MTMR12: variants seen among roughly 807,000 people sequenced by gnomAD.
MTMR12 encodes myotubularin related protein 12, also known as myotubularin-related protein 12.
Under a neutral mutation model 96.7 loss-of-function variants are expected in MTMR12, and 33 were observed. That is an observed-to-expected ratio of 0.34 (90% CI 0.26 to 0.46). The LOEUF (loss-of-function observed/expected upper bound fraction) is 0.46, where lower values mean the gene tolerates loss of function less well. Among genes scored for constraint, MTMR12 ranks in the 20% least tolerant of loss-of-function variants. MTMR12 has a pLI of 1.00. For missense variants in MTMR12, 721 were observed against 896.1 expected (o/e 0.80, Z 2.49); for synonymous variants, 298 against 327.2 (o/e 0.91, Z 0.96).
chr5:32,236,532 G>A (rs905908797), intron 13 of MTMR12, among the ~76,000 whole-genome samples: 1 of 150,292 alleles, frequency 6.7e-6, no homozygotes, highest in Non-Finnish European at 1.5e-5. Context: ...GGGCAACAGA[G>A]AGAGACCATG....
At chr5:32,261,933 G>A (rs897671044) in intron 7 of MTMR12, among the ~76,000 whole-genome samples, 2 of 152,168 alleles carry the variant, frequency 1.3e-5, no homozygotes, top group Non-Finnish European at 2.9e-5. Context: ...TTAGCCAGGC[G>A]TGGCGGCAGG....
At chr5:32,309,547 G>A (rs144530245) in intron 1 of MTMR12, 1 of 152,078 alleles carries the variant, frequency 6.6e-6, no homozygotes, top group Non-Finnish European at 1.5e-5. Flanking sequence ...TAAAAATGGA[G>A]ACAAGATCTG....
At chr5:32,242,030 T>G in intron 12 of MTMR12, 27 bp downstream of exon 12, 1 of 1,574,020 alleles carries the variant, frequency 6.4e-7, no homozygotes, top group South Asian at 1.1e-5. Context: ...AAAATGGAAA[T>G]CATCCTTTGT....
chr5:32,312,751 C>T lies in MTMR12; in HGVS notation c.81+7G>A. On this transcript the variant is annotated splice_region_variant and intron_variant, in intron 1 of 15. Transcript: ENST00000382142. The surrounding 1 kb of genome is among the most constrained non-coding windows in gnomAD (Gnocchi z 5.0). ...CCCGACGCCCCGCCTGCGCGGCGCC[C>T]CCTCACCTCAGGGCGTACGTACGAC... 2 of 1,510,778 alleles carry T rather than the reference C, an allele frequency of 1.3e-6. No individual in the cohort carries two copies. Among genetic ancestry groups the T allele is most frequent in the Non-Finnish European group, 1.8e-6 (2 of 1,131,330 alleles). 93.6% of individuals were successfully genotyped at this position (1,510,778 alleles called of 1,614,324 possible).
intron 1 of MTMR12, among the ~76,000 whole-genome samples, chr5:32,310,376 C>A (rs1227396865): frequency 6.6e-6 from 1 of 152,154 alleles, no homozygotes; most frequent in Non-Finnish European, 1.5e-5. Context: ...CACTATTCAC[C>A]ACAGCCAAGA....
In MTMR12 at chr5:32,298,686, C is replaced by T. The variant is rs1031043501; in HGVS notation, c.81+14072G>A. ...TGCTGAGGCCAGGCGCAGTGGCTCA[C>T]GCCTGTAATCCCAGCACTTTGGGAG... On this transcript the variant is annotated intron_variant, in intron 1 of 15. Transcript: ENST00000382142. Among the ~76,000 whole-genome samples, 55 of 152,084 alleles carry T rather than the reference C, an allele frequency of 3.6e-4. 1 individual carries two copies. Among genetic ancestry groups the T allele is most frequent in the Admixed American group, 2.6e-3 (40 of 15,260 alleles).
chr5:32,252,955 A>C (rs1317605321), intron 8 of MTMR12, among the ~76,000 whole-genome samples: 1 of 152,250 alleles, frequency 6.6e-6, no homozygotes, highest in Non-Finnish European at 1.5e-5. Flanking sequence ...CACTCACATC[A>C]ACTAGTTGTC....
At chr5:32,252,954 C>A (rs1419750640) in intron 8 of MTMR12, among the ~76,000 whole-genome samples, 1 of 152,192 alleles carries the variant, frequency 6.6e-6, no homozygotes, top group Non-Finnish European at 1.5e-5. Context: ...ACACTCACAT[C>A]AACTAGTTGT....
intron 11 of MTMR12, among the ~76,000 whole-genome samples, chr5:32,242,575 C>A (rs1314550585): frequency 1.3e-5 from 2 of 151,908 alleles, no homozygotes; most frequent in East Asian, 3.9e-4. Flanking sequence ...ACACGTTATT[C>A]CCTTTGCGAC....
At chr5:32,250,985 G>A (rs1422218485) in intron 8 of MTMR12, among the ~76,000 whole-genome samples, 1 of 151,140 alleles carries the variant, frequency 6.6e-6, no homozygotes, top group Non-Finnish European at 1.5e-5. Context: ...AAGAATCACA[G>A]TTTGTTAATC....
At chr5:32,256,421 G>C (rs1749133454) in intron 7 of MTMR12, among the ~76,000 whole-genome samples, 2 of 152,218 alleles carry the variant, frequency 1.3e-5, no homozygotes, top group African/African-American at 2.4e-5. Context: ...TACACAACTA[G>C]TTAGCACACA....
chr5:32,288,224 T>C (rs898754540), intron 1 of MTMR12, among the ~76,000 whole-genome samples: 4 of 152,160 alleles, frequency 2.6e-5, no homozygotes, highest in African/African-American at 9.7e-5. Context: ...CTGATGAAGC[T>C]GGGGACACTG....
intron 13 of MTMR12, among the ~76,000 whole-genome samples, chr5:32,236,454 G>A (rs1342734175): frequency 6.6e-6 from 1 of 152,152 alleles, no homozygotes; most frequent in African/African-American, 2.4e-5. Flanking sequence ...GGCTGAGGCA[G>A]GAGGATTGCT....
rs1428138870 is a variant in MTMR12 at position 32,233,701 on chromosome 5, G to A, written c.1674+72C>T. ...TAGAAAATGCTGGCAGACAGAATCCGTAAGTACCTTTTATCATTACATGCA... is the reference window on the plus strand; with the variant it reads ...TAGAAAATGCTGGCAGACAGAATCCATAAGTACCTTTTATCATTACATGCA... On this transcript the variant is annotated intron_variant, in intron 15 of 15. Coordinates refer to ENST00000382142, the MANE Select transcript of MTMR12 (RefSeq NM_001040446.3). This position sits in a 1 kb window ranked among gnomAD's most constrained non-coding sequence, Gnocchi z 5.0. The A allele has an allele frequency of 3.1e-5, 50 of 1,596,996 alleles. No homozygotes were observed. The South Asian group carries it at 3.8e-4, about 12-fold the overall frequency.
chr5:32,276,319 A>G (rs1417500573), intron 2 of MTMR12, among the ~76,000 whole-genome samples: 1 of 152,250 alleles, frequency 6.6e-6, no homozygotes. Flanking sequence ...TTGCCTTGGG[A>G]GGCCATAGCA....
chr5:32,228,558 T>TATATATATATC lies in MTMR12; in HGVS notation c.*1209_*1219dup, dbSNP rs200049677. The TATATATATATC allele has an allele frequency of 2.6e-5, 3 of 116,460 alleles. No individual in the cohort carries two copies. The highest frequency in any genetic ancestry group is 2.6e-4 in the Admixed American group (3 of 11,720). 7.2% of individuals were successfully genotyped at this position (116,460 alleles called of 1,614,324 possible). A position where few individuals can be genotyped will look rare whatever the true frequency, so the allele number is the denominator to read the frequency against. On this transcript the variant is annotated 3_prime_UTR_variant, in exon 16 of 16. Transcript: ENST00000382142. ...TGATATATATATCATATATATGTGA[T>TATATATATATC]ATATATATATCATATATATATCATA...
chr5:32,284,431 G>C (rs1456270984), intron 1 of MTMR12, among the ~76,000 whole-genome samples: 1 of 152,072 alleles, frequency 6.6e-6, no homozygotes, highest in African/African-American at 2.4e-5. Flanking sequence ...AAAAACGGAG[G>C]ATTCCTCTAA....
At position 32,248,051 on chromosome 5, in the gene MTMR12, C is replaced by T; in HGVS notation, c.972G>A (p.Leu324=). 1.4e-5 allele frequency: 22 copies of T among 1,613,826 alleles called. No individual in the cohort carries two copies. Among genetic ancestry groups the T allele is most frequent in the Non-Finnish European group, 1.9e-5 (22 of 1,179,760 alleles). The change falls in exon 10 of 16, where the codon CTG becomes CTA. Residue 324 remains leucine (L), a synonymous_variant. Coordinates refer to ENST00000382142, the MANE Select transcript of MTMR12 (RefSeq NM_001040446.3). ...TEDLSSNFLS[L]QEIQTAYSKF... is the part of the protein sequence containing the mutation. ...TAGAGTATGCAGTCTGGATTTCCTG[C>T]AGGGACAGGAAGTTGCTTGACAGGT...
chr5:32,276,540 C>T (rs1439768409), intron 2 of MTMR12, 142 bp downstream of exon 2: 9 of 684,138 alleles, frequency 1.3e-5, no homozygotes, highest in Non-Finnish European at 2.2e-5. Flanking sequence ...GAACTACAAA[C>T]CTTGATATGT....
Sources: gnomAD v4.1 joint callset for allele counts (sites outside exome capture counted in the v4.1 genomes callset) on GRCh38, gnomAD v4.1.1 for gene constraint, Gnocchi (gnomAD v3.1) non-coding constraint, MANE v1.5 for transcripts, NCBI Gene and HGNC (gene_info 2026-07-23, HGNC 2026-07-21) for gene names.